C2orf80: variants seen among roughly 807,000 people sequenced by gnomAD.
C2orf80 encodes the protein chromosome 2 open reading frame 80, also known as uncharacterized protein C2orf80.
C2orf80 carries 28 observed loss-of-function variants against 30.2 expected under a neutral mutation model. That is an observed-to-expected ratio of 0.93 (90% CI 0.69 to 1.27). The LOEUF (loss-of-function observed/expected upper bound fraction) is 1.27. Ranked by LOEUF, C2orf80 falls within the 50% of genes most tolerant of loss-of-function variation. C2orf80 has a pLI of 0.00. For synonymous variants in C2orf80, 80 were observed against 76.4 expected, an observed-to-expected ratio of 1.05 and a Z score of -0.24; for missense variants, 220 against 231.0, an observed-to-expected ratio of 0.95 and a Z score of 0.31.
intron 8 of C2orf80, among the ~76,000 whole-genome samples, chr2:208,169,007 C>A (rs1397285005): frequency 6.6e-6 from 1 of 151,218 alleles, no homozygotes; most frequent in African/African-American, 2.4e-5. Context: ...ATCTCTGCTG[C>A]CTGCGAAGTA....
chr2:208,169,956 G>A (rs1696041076), intron 8 of C2orf80, among the ~76,000 whole-genome samples: 1 of 152,112 alleles, frequency 6.6e-6, no homozygotes, highest in Admixed American at 6.6e-5. Context: ...GGACAGAGAA[G>A]ACAGTTTGCC....
intron 8 of C2orf80, among the ~76,000 whole-genome samples, chr2:208,166,985 C>T (rs868001729): frequency 6.6e-6 from 1 of 152,060 alleles, no homozygotes; most frequent in Non-Finnish European, 1.5e-5. Context: ...ACACATATAA[C>T]TTATTTAATG....
chr2:208,176,929 A>C lies in C2orf80; in HGVS notation c.366+3816T>G, dbSNP rs1160625302. Among the ~76,000 whole-genome samples, 99 of 66,446 alleles carry C rather than the reference A, an allele frequency of 1.5e-3. 10 individuals carry two copies. The highest frequency in any genetic ancestry group is 5.1e-3 in the African/African-American group (90 of 17,704). 43.6% of individuals were successfully genotyped at this position (66,446 alleles called of 152,430 possible). A position where few individuals can be genotyped will look rare whatever the true frequency, so the allele number is the denominator to read the frequency against. ...TCTGTGTATACATATCTGTATACATATGTATACATATCTGTATACATATCT... is the reference window on the plus strand; with the variant it reads ...TCTGTGTATACATATCTGTATACATCTGTATACATATCTGTATACATATCT... On this transcript the variant is annotated intron_variant, in intron 6 of 8. Transcript: ENST00000341287.
intron 6 of C2orf80, among the ~76,000 whole-genome samples, chr2:208,173,407 A>G (rs1696169853): frequency 6.6e-6 from 1 of 152,072 alleles, no homozygotes. Context: ...GGCAGATCAC[A>G]AGGTCAGGAG....
chr2:208,185,376 T>C (rs1339042101), intron 2 of C2orf80, among the ~76,000 whole-genome samples: 1 of 152,226 alleles, frequency 6.6e-6, no homozygotes, highest in African/African-American at 2.4e-5. Context: ...AATCATTTGC[T>C]TCCCGTGTTA....
intron 3 of C2orf80, among the ~76,000 whole-genome samples, chr2:208,184,400 GGAGA>G (rs941373921): frequency 6.6e-6 from 1 of 152,192 alleles, no homozygotes; most frequent in African/African-American, 2.4e-5. Context: ...GGGAGTGGAG[GGAGA>G]GAGTCTTTTT....
chr2:208,167,691 C>T (rs1450881964), intron 8 of C2orf80, among the ~76,000 whole-genome samples: 1 of 151,846 alleles, frequency 6.6e-6, no homozygotes, highest in African/African-American at 2.4e-5. Flanking sequence ...ATTCTCATGC[C>T]TCAGTCTCCC....
At chr2:208,177,541 C>G (rs559847874) in intron 6 of C2orf80, among the ~76,000 whole-genome samples, 1 of 151,826 alleles carries the variant, frequency 6.6e-6, no homozygotes, top group East Asian at 1.9e-4. Flanking sequence ...AATTCCATCT[C>G]AAGAAAAAAA....
Position 208,181,311 on chromosome 2 carries a change from G to T in C2orf80, c.207-6C>A, listed in dbSNP as rs1446155115. 6.4e-7 allele frequency: 1 copy of T among 1,560,340 alleles called. No homozygotes were observed. Among genetic ancestry groups the T allele is most frequent in the Admixed American group, 1.7e-5 (1 of 59,846 alleles). On this transcript the variant is annotated splice_region_variant and splice_polypyrimidine_tract_variant and intron_variant, in intron 4 of 8. Transcript: ENST00000341287. ...TGCCATGGAGTGGTATTTTCCTAAT[G>T]GGGAATAGGAAATACAAGTGGAAGA...
At chr2:208,179,394 C>A (rs942671114) in intron 6 of C2orf80, among the ~76,000 whole-genome samples, 1 of 152,208 alleles carries the variant, frequency 6.6e-6, no homozygotes, top group African/African-American at 2.4e-5. Flanking sequence ...ATAAGGGAGG[C>A]AGGCATTCCT....
intron 7 of C2orf80, among the ~76,000 whole-genome samples, 190 bp from the exon 8 acceptor site, chr2:208,171,253 C>T (rs935563016): frequency 1.3e-5 from 2 of 152,136 alleles, no homozygotes; most frequent in African/African-American, 4.8e-5. Context: ...TCTAACAATC[C>T]TCCCAACTCA....
chr2:208,180,819 G>T lies in C2orf80; in HGVS notation c.295-3C>A. The T allele has an allele frequency of 1.2e-6, 2 of 1,611,348 alleles. No individual in the cohort carries two copies. Among genetic ancestry groups the T allele is most frequent in the Non-Finnish European group, 1.7e-6 (2 of 1,178,396 alleles). On this transcript the variant is annotated splice_polypyrimidine_tract_variant and splice_region_variant and intron_variant, in intron 5 of 8. Coordinates refer to ENST00000341287, the MANE Select transcript of C2orf80 (RefSeq NM_001099334.3). ...ACTTCCTCAATCGGGATACTGTTCT[G>T]TTAAACAACAACAGCAATAACAAAG...
chr2:208,183,091 T>A, intron 3 of C2orf80, 44 bp from the exon 4 acceptor site: 1 of 1,502,686 alleles, frequency 6.7e-7, no homozygotes, highest in South Asian at 1.1e-5. Flanking sequence ...GGCTTAGACA[T>A]TGGCCGAAGT....
intron 6 of C2orf80, among the ~76,000 whole-genome samples, chr2:208,174,482 C>T (rs962122108): frequency 6.6e-6 from 1 of 152,044 alleles, no homozygotes; most frequent in African/African-American, 2.4e-5. Flanking sequence ...CGAGTGGGGG[C>T]GAACTTGGAA....
At chr2:208,175,432 C>G (rs969601616) in intron 6 of C2orf80, among the ~76,000 whole-genome samples, 3 of 152,178 alleles carry the variant, frequency 2.0e-5, no homozygotes, top group Admixed American at 1.3e-4. Flanking sequence ...CAGCAAAAAG[C>G]AGTTCCCTCT....
chr2:208,181,212 C>T lies in C2orf80; in HGVS notation c.294+6G>A, dbSNP rs767694255. 22 of 1,565,360 alleles carry T rather than the reference C, an allele frequency of 1.4e-5. No homozygotes were observed. Among genetic ancestry groups the T allele is most frequent in the Non-Finnish European group, 1.9e-5 (22 of 1,136,304 alleles). ...TCATATAGGCAGATAGTATTCTTTT[C>T]CTTACCATTAAGATTCCAGCATAAG... On this transcript the variant is annotated splice_donor_region_variant and intron_variant, in intron 5 of 8. Coordinates refer to ENST00000341287, the MANE Select transcript of C2orf80 (RefSeq NM_001099334.3).
chr2:208,176,982 A>AT (rs1559340714), intron 6 of C2orf80, among the ~76,000 whole-genome samples: 1 of 11,484 alleles, frequency 8.7e-5, no homozygotes, highest in Non-Finnish European at 2.0e-4. Context: ...TATATACAGA[A>AT]ATGTATATGT....
chr2:208,177,740 G>T (rs1227180252), intron 6 of C2orf80, among the ~76,000 whole-genome samples: 1 of 152,156 alleles, frequency 6.6e-6, no homozygotes, highest in East Asian at 1.9e-4. Flanking sequence ...TGAGTGATCA[G>T]ATGGATAGGT....
chr2:208,188,085 C>T (rs1009530837), intron 1 of C2orf80, among the ~76,000 whole-genome samples: 420 of 144,232 alleles, frequency 2.9e-3, no homozygotes, highest in Non-Finnish European at 4.5e-3. Context: ...TATACTGCAC[C>T]GTGTGTGTGT....
Sources: gnomAD v4.1 joint callset for allele counts (sites outside exome capture counted in the v4.1 genomes callset) on GRCh38, gnomAD v4.1.1 for gene constraint, MANE v1.5 for transcripts, NCBI Gene and HGNC (gene_info 2026-07-23, HGNC 2026-07-21) for gene names.